The following PALS2 variants were observed in gnomAD, a reference collection of about 807,000 sequenced individuals.
PALS2 encodes the protein protein PALS2.
A neutral mutation model predicts 61.6 loss-of-function variants in PALS2; 27 were observed. The ratio of observed to expected loss-of-function variants is 0.44; its 90% CI spans 0.32 to 0.60. The LOEUF (loss-of-function observed/expected upper bound fraction) is 0.60. Ranked by LOEUF, PALS2 falls within the 20% of genes least tolerant of loss-of-function variation. The pLI is 0.05. For synonymous variants in PALS2, 236 were observed against 218.6 expected, an observed-to-expected ratio of 1.08 and a Z score of -0.70; for missense variants, 554 against 639.4, an observed-to-expected ratio of 0.87 and a Z score of 1.44.
At chr7:24,621,331 A>G (rs1784506547) in intron 1 of PALS2, among the ~76,000 whole-genome samples, 1 of 152,138 alleles carries the variant, frequency 6.6e-6, no homozygotes, top group African/African-American at 2.4e-5. Flanking sequence ...CAGGGATAGA[A>G]GACAGGAAAT....
rs1286264096 is a variant in PALS2, at chr7:24,587,034, T to TG, written c.-3+13441_-3+13442insG. Among the ~76,000 whole-genome samples the TG allele has an allele frequency of 2.3e-3, 347 of 151,422 alleles. 1 individual carries two copies. The highest frequency in any genetic ancestry group is 8.0e-3 in the African/African-American group (325 of 40,836). On this transcript the variant is annotated intron_variant, in intron 1 of 11. Transcript: ENST00000222644. ...AACCCTGGTCTTGTTTAAAGGATTT[T>TG]TTTTTTGTTTTTTGTTTTTTGGTTA...
chr7:24,581,507 G>A (rs1782844349), intron 1 of PALS2, among the ~76,000 whole-genome samples: 1 of 152,174 alleles, frequency 6.6e-6, no homozygotes, highest in African/African-American at 2.4e-5. Flanking sequence ...GTTCAGAAAA[G>A]GGAGGAGGAG....
chr7:24,605,643 A>T, intron 1 of PALS2, among the ~76,000 whole-genome samples: 1 of 152,312 alleles, frequency 6.6e-6, no homozygotes, highest in African/African-American at 2.4e-5. Flanking sequence ...GTCTATAAAC[A>T]CATAAAAACA....
intron 2 of PALS2, among the ~76,000 whole-genome samples, chr7:24,632,506 TCTC>T (rs1170479746): frequency 2.6e-5 from 4 of 152,162 alleles, no homozygotes; most frequent in Non-Finnish European, 5.9e-5. Context: ...TTCAAGCAAT[TCTC>T]CTGCCTCAGC....
At chr7:24,656,869 C>T (rs944814057) in intron 5 of PALS2, among the ~76,000 whole-genome samples, 2 of 152,132 alleles carry the variant, frequency 1.3e-5, no homozygotes, top group Admixed American at 6.6e-5. Context: ...TTCTTCCCTC[C>T]TACTCCCTTT....
At chr7:24,681,205 GT>G (rs1194123922) in intron 11 of PALS2, among the ~76,000 whole-genome samples, 1 of 151,862 alleles carries the variant, frequency 6.6e-6, no homozygotes, top group Non-Finnish European at 1.5e-5. Context: ...TCTATTACAT[GT>G]TTTTTCCTTT....
intron 1 of PALS2, among the ~76,000 whole-genome samples, chr7:24,615,622 GTCCAGGAC>G (rs1306279112): frequency 6.6e-6 from 1 of 151,712 alleles, no homozygotes; most frequent in Non-Finnish European, 1.5e-5. Flanking sequence ...ACAAAGGAAA[GTCCAGGAC>G]TGGATGGCTT....
intron 1 of PALS2, among the ~76,000 whole-genome samples, chr7:24,588,063 G>T (rs754082293): frequency 7.9e-5 from 12 of 152,158 alleles, no homozygotes; most frequent in Non-Finnish European, 1.5e-4. Flanking sequence ...AGAGGCCAGG[G>T]TTGTTACTAA....
intron 11 of PALS2, among the ~76,000 whole-genome samples, chr7:24,685,914 A>G (rs920998137): frequency 1.1e-4 from 17 of 152,116 alleles, no homozygotes; most frequent in Admixed American, 5.2e-4. Context: ...TTGTTATGCT[A>G]ATGATTTATA....
intron 4 of PALS2, 102 bp downstream of exon 4, chr7:24,649,866 G>A (rs1203140195): frequency 8.7e-7 from 1 of 1,143,710 alleles, no homozygotes; most frequent in Non-Finnish European, 1.2e-6. Flanking sequence ...ATAATGTTAT[G>A]AAAACTGTAT....
At chr7:24,615,045 CAATG>C (rs1179428104) in intron 1 of PALS2, among the ~76,000 whole-genome samples, 1 of 151,638 alleles carries the variant, frequency 6.6e-6, no homozygotes, top group Non-Finnish European at 1.5e-5. Context: ...CCTGAATGAC[CAATG>C]AATGAAGAAA....
At position 24,680,243 on chromosome 7, in the gene PALS2, G is replaced by C. The variant is rs375700821; in HGVS notation, c.1318-149G>C. ...TCACTGTTTTAAGAAAGTACTATATGGAATGAGAAGGACAGAACAGGGATA... is the reference window on the plus strand; with the variant it reads ...TCACTGTTTTAAGAAAGTACTATATCGAATGAGAAGGACAGAACAGGGATA... On this transcript the variant is annotated intron_variant, in intron 10 of 11. Transcript: ENST00000222644. The C allele has an allele frequency of 4.3e-5, 29 of 668,794 alleles. 1 individual carries two copies. The highest frequency in any genetic ancestry group is 3.8e-4 in the Admixed American group (11 of 28,964). 41.4% of individuals were successfully genotyped at this position (668,794 alleles called of 1,614,324 possible).
At chr7:24,612,295 G>T (rs1218334612) in intron 1 of PALS2, among the ~76,000 whole-genome samples, 2 of 151,864 alleles carry the variant, frequency 1.3e-5, no homozygotes, top group Non-Finnish European at 2.9e-5. Context: ...CTACTCTGAA[G>T]ATTTGTCTGT....
chr7:24,576,740 G>C (rs143166240), intron 1 of PALS2, among the ~76,000 whole-genome samples: 26 of 152,328 alleles, frequency 1.7e-4, no homozygotes, highest in African/African-American at 5.1e-4. Flanking sequence ...TCACTCTTCT[G>C]TGAAGTGTAT....
At position 24,668,640 on chromosome 7, in the gene PALS2, G is replaced by A. The variant is rs199877402; in HGVS notation, c.1094G>A (p.Arg365Lys). The A allele has an allele frequency of 6.2e-7, 1 of 1,613,888 alleles. No individual in the cohort carries two copies. The highest frequency in any genetic ancestry group is 2.2e-5 in the East Asian group (1 of 44,846). ...AGGTTCATAGTATTGAATCCCACTA[G>A]ATTTGGAACTACGGTGCCATGTAAG... ...KNRFIVLNPT[R>K]FGTTVPFTSR... Residue 365 changes from arginine to lysine, a missense_variant, in exon 9 of 12, where the codon AGA becomes AAA. Transcript: ENST00000222644.
At chr7:24,579,720 A>G (rs1348401228) in intron 1 of PALS2, among the ~76,000 whole-genome samples, 1 of 152,206 alleles carries the variant, frequency 6.6e-6, no homozygotes, top group African/African-American at 2.4e-5. Context: ...TCACCTTTTT[A>G]TAGACCCAGT....
chr7:24,589,912 T>C (rs1036683872), intron 1 of PALS2, among the ~76,000 whole-genome samples: 5 of 152,154 alleles, frequency 3.3e-5, no homozygotes, highest in Non-Finnish European at 7.4e-5. Flanking sequence ...TACTTTGCAA[T>C]GCAGGATTGT....
At chr7:24,612,014 T>C (rs960739137) in intron 1 of PALS2, among the ~76,000 whole-genome samples, 1 of 151,984 alleles carries the variant, frequency 6.6e-6, no homozygotes, top group Non-Finnish European at 1.5e-5. Context: ...TCTAGAAATA[T>C]TTACGAGGTA....
In PALS2 at chr7:24,680,215, G is replaced by A. The variant is rs1787845993; in HGVS notation, c.1318-177G>A. On this transcript the variant is annotated intron_variant, in intron 10 of 11. Coordinates refer to ENST00000222644, the MANE Select transcript of PALS2 (RefSeq NM_001303037.2). ...AGACTGAGTTCAAAACAAAATAAAT[G>A]GATCACTGTTTTAAGAAAGTACTAT... is the stretch of plus-strand genomic sequence containing the variant. 2.0e-5 allele frequency among the ~76,000 whole-genome samples: 3 copies of A among 152,084 alleles called. No homozygotes were observed. In the South Asian group the frequency reaches 6.2e-4, roughly 32 times the overall value.
Sources: gnomAD v4.1 joint callset for allele counts (sites outside exome capture counted in the v4.1 genomes callset) on GRCh38, gnomAD v4.1.1 for gene constraint, MANE v1.5 for transcripts, NCBI Gene and HGNC (gene_info 2026-07-23, HGNC 2026-07-21) for gene names.